Variants in PTK2 observed in about 807,000 individuals in gnomAD.
The protein encoded by PTK2 is protein tyrosine kinase 2, also known as focal adhesion kinase 1.
Under a neutral mutation model 150.1 loss-of-function variants are expected in PTK2, and 45 were observed. The ratio of observed to expected loss-of-function variants is 0.30; its 90% CI spans 0.24 to 0.38. The LOEUF (loss-of-function observed/expected upper bound fraction) is 0.38, where lower values mean the gene tolerates loss of function less well. PTK2 is among the 10% of genes least tolerant of loss of function. The pLI, the probability that PTK2 is intolerant of heterozygous loss-of-function variation, is 1.00. For missense variants in PTK2, 919 were observed against 1,307.3 expected (o/e 0.70, Z 4.58); for synonymous variants, 432 against 449.2 (o/e 0.96, Z 0.48).
intron 29 of PTK2, among the ~76,000 whole-genome samples, chr8:140,672,971 A>C (rs1477497669): frequency 6.6e-6 from 1 of 152,208 alleles, no homozygotes; most frequent in Non-Finnish European, 1.5e-5. Flanking sequence ...CTGATAATAC[A>C]TGAAAAAGGA....
chr8:141,001,341 C>G (rs989037646), upstream of PTK2: 3 of 149,382 alleles, frequency 2.0e-5, no homozygotes, highest in African/African-American at 4.9e-5. Context: ...CGCGTCCTCT[C>G]TCGGCAGCGC....
chr8:140,907,999 A>G (rs1221116507), intron 2 of PTK2, among the ~76,000 whole-genome samples: 1 of 152,224 alleles, frequency 6.6e-6, no homozygotes, highest in African/African-American at 2.4e-5. Flanking sequence ...GCTAGAAATG[A>G]TTAAGCCTAG....
chr8:140,675,632 G>C (rs1183618080), intron 27 of PTK2, 133 bp from the exon 31 acceptor site: 1 of 677,592 alleles, frequency 1.5e-6, no homozygotes, highest in Non-Finnish European at 2.6e-6. Context: ...ACAAAACAGG[G>C]TTCTGCATAA....
chr8:140,830,082 C>CAT (rs1267392320), intron 8 of PTK2, among the ~76,000 whole-genome samples: 1 of 97,880 alleles, frequency 1.0e-5, no homozygotes, highest in Non-Finnish European at 1.9e-5. Flanking sequence ...CACGCACACA[C>CAT]ATACACACAC....
intron 14 of PTK2, among the ~76,000 whole-genome samples, chr8:140,783,190 A>G (rs1240222710): frequency 1.3e-5 from 2 of 152,214 alleles, no homozygotes; most frequent in Non-Finnish European, 2.9e-5. Context: ...CAGTGAGCTG[A>G]GATCAAGCCA....
chr8:140,808,804 C>T (rs1180729219), intron 10 of PTK2, among the ~76,000 whole-genome samples: 1 of 138,836 alleles, frequency 7.2e-6, no homozygotes, highest in Non-Finnish European at 1.5e-5. Context: ...GGTGTGATCT[C>T]AGCTCACTGC....
intron 1 of PTK2, among the ~76,000 whole-genome samples, chr8:140,939,008 T>C (rs2100174721): frequency 6.6e-6 from 1 of 152,078 alleles, no homozygotes; most frequent in Non-Finnish European, 1.5e-5. Flanking sequence ...AAGAATATTT[T>C]TGCATAAAAA....
intron 1 of PTK2, among the ~76,000 whole-genome samples, chr8:140,947,980 C>T (rs890840486): frequency 3.3e-5 from 5 of 152,120 alleles, no homozygotes; most frequent in Non-Finnish European, 7.4e-5. Context: ...TACAGTAAAA[C>T]TCTCCTTTAT....
intron 14 of PTK2, among the ~76,000 whole-genome samples, chr8:140,768,205 A>G (rs1342536984): frequency 6.6e-6 from 1 of 151,990 alleles, no homozygotes; most frequent in African/African-American, 2.4e-5. Context: ...TCCCTATTTC[A>G]CAGGCAAGAA....
intron 1 of PTK2, among the ~76,000 whole-genome samples, chr8:140,990,450 C>T (rs1371017679): frequency 6.6e-6 from 1 of 152,032 alleles, no homozygotes; most frequent in Non-Finnish European, 1.5e-5. Context: ...CCATGTTGAC[C>T]AGGCTAGTCT....
intron 1 of PTK2, among the ~76,000 whole-genome samples, chr8:140,959,784 G>A (rs2100182482): frequency 2.0e-5 from 3 of 152,054 alleles, no homozygotes; most frequent in Admixed American, 2.0e-4. Context: ...CCTGAGCCCA[G>A]GAGTTCAAGA....
At chr8:140,981,469 C>T (rs2100191395) in intron 1 of PTK2, among the ~76,000 whole-genome samples, 1 of 152,100 alleles carries the variant, frequency 6.6e-6, no homozygotes, top group Non-Finnish European at 1.5e-5. Flanking sequence ...ATGGGAAAAT[C>T]CCACTGTTGA....
chr8:140,853,745 C>G (rs1195173456), intron 5 of PTK2, among the ~76,000 whole-genome samples: 1 of 152,096 alleles, frequency 6.6e-6, no homozygotes, highest in Admixed American at 6.5e-5. Flanking sequence ...AAGAAATGTA[C>G]ACAATTAAAT....
At chr8:140,857,264 G>C (rs2100133259) in intron 5 of PTK2, among the ~76,000 whole-genome samples, 1 of 152,074 alleles carries the variant, frequency 6.6e-6, no homozygotes. Context: ...ACTTTCTCTG[G>C]CTTCTCAGTG....
chr8:140,727,035 A>G (rs1023851011), intron 22 of PTK2, among the ~76,000 whole-genome samples: 1 of 152,242 alleles, frequency 6.6e-6, no homozygotes, highest in Non-Finnish European at 1.5e-5. Flanking sequence ...ATGAAAAGTT[A>G]AGATGTATAC....
At chr8:140,707,409 C>T (rs1284745252) in intron 23 of PTK2, among the ~76,000 whole-genome samples, 2 of 152,138 alleles carry the variant, frequency 1.3e-5, no homozygotes, top group Non-Finnish European at 2.9e-5. Context: ...AAAAAAACAT[C>T]GAATTGTACA....
intron 29 of PTK2, chr8:140,669,335 A>ACATG: frequency 7.1e-6 from 1 of 141,124 alleles, no homozygotes; most frequent in African/African-American, 2.7e-5. Context: ...ATATATATAT[A>ACATG]TATATACACT....
At chr8:140,970,027 C>A (rs1271790806) in intron 1 of PTK2, among the ~76,000 whole-genome samples, 1 of 152,230 alleles carries the variant, frequency 6.6e-6, no homozygotes, top group Middle Eastern at 3.2e-3. Context: ...AACTGACCTA[C>A]TTCTGAAACT....
chr8:140,807,821 C>T (rs563953097), intron 10 of PTK2, among the ~76,000 whole-genome samples: 92 of 152,242 alleles, frequency 6.0e-4, no homozygotes, highest in African/African-American at 2.1e-3. Flanking sequence ...TTTAAATCAC[C>T]TATGAGGCTT....
Sources: gnomAD v4.1 joint callset for allele counts (sites outside exome capture counted in the v4.1 genomes callset) on GRCh38, gnomAD v4.1.1 for gene constraint, MANE v1.5 for transcripts, NCBI Gene and HGNC (gene_info 2026-07-23, HGNC 2026-07-21) for gene names.